CCDC30: variants seen among roughly 807,000 people sequenced by gnomAD.
CCDC30 encodes the protein coiled-coil domain-containing protein 30.
Under a neutral mutation model 100.2 loss-of-function variants are expected in CCDC30, and 70 were observed. The ratio of observed to expected loss-of-function variants is 0.70; its 90% CI spans 0.58 to 0.85. CCDC30 has a LOEUF of 0.85. Among genes scored for constraint, CCDC30 ranks in the 40% least tolerant of loss-of-function variants. CCDC30 has a pLI of 0.00. For synonymous variants in CCDC30, 233 were observed against 269.5 expected (o/e 0.86, Z 1.33); for missense variants, 652 against 771.2 (o/e 0.85, Z 1.83).
intron 13 of CCDC30, among the ~76,000 whole-genome samples, chr1:42,643,466 G>T (rs1177802530): frequency 1.3e-5 from 2 of 152,168 alleles, no homozygotes; most frequent in Non-Finnish European, 2.9e-5. Flanking sequence ...TACTGTCTGT[G>T]TCTCCCCTTT....
intron 7 of CCDC30, among the ~76,000 whole-genome samples, chr1:42,576,312 G>C (rs1413585482): frequency 6.6e-6 from 1 of 152,208 alleles, no homozygotes; most frequent in Non-Finnish European, 1.5e-5. Flanking sequence ...TGTGGGGATA[G>C]AATGACAGCA....
Position 42,577,176 on chromosome 1 carries a change from C to T in CCDC30, c.793C>T (p.Leu265=), listed in dbSNP as rs1028125578. Residue 265 remains leucine (L), a synonymous_variant, in exon 8 of 17, where the codon CTA becomes TTA. Coordinates refer to ENST00000668663, the Ensembl canonical transcript of CCDC30. ...TCAGAGCATTAAATCACAGAACAACCTACAGGAAAAGCTGGTTCAGGAGAA... is the reference window on the plus strand; with the variant it reads ...TCAGAGCATTAAATCACAGAACAACTTACAGGAAAAGCTGGTTCAGGAGAA... The T allele has an allele frequency of 3.1e-6, 5 of 1,613,976 alleles. No homozygotes were observed. The African/African-American group carries it at 6.7e-5, about 22-fold the overall frequency.
chr1:42,653,518 C>A, intron 16 of CCDC30, 75 bp downstream of exon 20: 1 of 912,192 alleles, frequency 1.1e-6, no homozygotes, highest in Non-Finnish European at 1.8e-6. Context: ...GTCATGGCTG[C>A]CTAACTAGTC....
intron 9 of CCDC30, among the ~76,000 whole-genome samples, chr1:42,585,625 T>G (rs536207610): frequency 6.6e-6 from 1 of 152,220 alleles, no homozygotes; most frequent in African/African-American, 2.4e-5. Context: ...TTTCCTAAGG[T>G]GAAAGCTTAG....
chr1:42,587,004 T>C (rs552249873), intron 9 of CCDC30, among the ~76,000 whole-genome samples: 5 of 152,278 alleles, frequency 3.3e-5, no homozygotes, highest in Non-Finnish European at 7.4e-5. Context: ...ATTTGCTTTT[T>C]TTCTTTTTGT....
chr1:42,626,197 G>T (rs532580368), intron 11 of CCDC30, among the ~76,000 whole-genome samples: 3 of 151,586 alleles, frequency 2.0e-5, no homozygotes, highest in African/African-American at 7.3e-5. Flanking sequence ...GGTTTCCATT[G>T]TCATGGAATA....
the CCDC30 span, chr1:42,456,841 T>C: frequency 1.9e-6 from 3 of 1,613,504 alleles, no homozygotes; most frequent in Non-Finnish European, 2.5e-6. Context: ...CCTTCCCCTA[T>C]GCCCACCGCT....
At chr1:42,601,597 C>A (rs1332599774) in intron 10 of CCDC30, among the ~76,000 whole-genome samples, 2 of 152,150 alleles carry the variant, frequency 1.3e-5, no homozygotes, top group Admixed American at 1.3e-4. Flanking sequence ...AGAACTGAGG[C>A]AAACCTTGGC....
rs1289843446 is a variant in CCDC30, at chr1:42,653,901, C to T, written c.2006C>T (p.Ser669Leu). Reference sequence around the variant, plus strand: ...AAGTCAAAAGAAGCAATGGCAAGTTCAAAGTCCCCTGAAAAGTCTCCTGAG... The same window carrying T: ...AAGTCAAAAGAAGCAATGGCAAGTTTAAAGTCCCCTGAAAAGTCTCCTGAG... Residue 669 changes from serine to leucine, a missense_variant, in exon 17 of 17, where the codon TCA becomes TTA. Physicochemically the swap from Ser to Leu is moderately radical, Grantham distance 145 (BLOSUM62 -2). Transcript: ENST00000668663. 1.9e-6 allele frequency: 3 copies of T among 1,613,904 alleles called. No individual in the cohort carries two copies. In the East Asian group the frequency reaches 6.7e-5, roughly 36 times the overall value.
Position 42,568,016 on chromosome 1 carries a change from A to T in CCDC30, c.636+1541A>T, listed in dbSNP as rs1645644077. Reference sequence around the variant, plus strand: ...TGAGATAAATTATTGGCCATTTAGAAATAAGACATCAGCCTCTTGATTAGC... The same window carrying T: ...TGAGATAAATTATTGGCCATTTAGATATAAGACATCAGCCTCTTGATTAGC... On this transcript the variant is annotated intron_variant, in intron 7 of 16. Coordinates refer to ENST00000668663, the Ensembl canonical transcript of CCDC30. Among the ~76,000 whole-genome samples, 3 of 152,182 alleles carry T rather than the reference A, an allele frequency of 2.0e-5. No individual in the cohort carries two copies. The South Asian group carries it at 6.2e-4, about 32-fold the overall frequency.
At chr1:42,478,434 T>C (rs1184120296) in intron 1 of CCDC30, among the ~76,000 whole-genome samples, 1 of 152,180 alleles carries the variant, frequency 6.6e-6, no homozygotes, top group Admixed American at 6.5e-5. Context: ...TTTTGGATCA[T>C]AGTTTTCCAA....
intron 11 of CCDC30, among the ~76,000 whole-genome samples, chr1:42,621,779 G>A (rs1267354011): frequency 1.3e-5 from 2 of 151,818 alleles, no homozygotes; most frequent in East Asian, 1.9e-4. Flanking sequence ...CCAAAGTGCC[G>A]GGATTACAGG....
At chr1:42,459,314 C>A, upstream of CCDC30, 1 of 343,078 alleles carries the variant, frequency 2.9e-6, no homozygotes, top group Non-Finnish European at 5.4e-6. Flanking sequence ...AGGTGGGTGC[C>A]ACCATGCTTG....
exon 9 of CCDC30, chr1:42,581,451 T>A (rs1328943231): frequency 1.9e-6 from 3 of 1,613,592 alleles, no homozygotes; most frequent in Non-Finnish European, 2.5e-6. Context: ...GAGGAAAAGA[T>A]AAAAGAAGCA....
chr1:42,542,542 T>TAATAAAGACAGGGTC (rs1274864091), intron 6 of CCDC30, among the ~76,000 whole-genome samples: 3 of 106,226 alleles, frequency 2.8e-5, no homozygotes, highest in African/African-American at 6.8e-5. Flanking sequence ...AATTTTTCTT[T>TAATAAAGACAGGGTC]TTTTTTTTTT....
At chr1:42,501,894 CAGG>C (rs140354179) in intron 6 of CCDC30, among the ~76,000 whole-genome samples, 36,926 of 152,024 alleles carry the variant, frequency 0.24, 4,834 homozygotes, top group South Asian at 0.42. Context: ...TTAGGCTACT[CAGG>C]TGTCAGGGAC....
chr1:42,546,184 G>C (rs1645127003), intron 6 of CCDC30, among the ~76,000 whole-genome samples: 1 of 150,434 alleles, frequency 6.6e-6, no homozygotes, highest in South Asian at 2.1e-4. Flanking sequence ...CCAAGAGTTC[G>C]AGATCAGCAT....
At chr1:42,517,723 C>A (rs1205640673) in intron 6 of CCDC30, among the ~76,000 whole-genome samples, 18 of 152,104 alleles carry the variant, frequency 1.2e-4, no homozygotes, top group Non-Finnish European at 1.5e-5. Context: ...CAAAGAAAAG[C>A]CCTAGACTTG....
intron 4 of CCDC30, chr1:42,492,531 C>T (rs1315785362): frequency 6.5e-6 from 1 of 153,020 alleles, no homozygotes; most frequent in East Asian, 1.9e-4. Flanking sequence ...CCATCCTGGG[C>T]CATAAAGCAA....
Sources: gnomAD v4.1 joint callset for allele counts (sites outside exome capture counted in the v4.1 genomes callset) on GRCh38, gnomAD v4.1.1 for gene constraint, MANE v1.5 for transcripts, NCBI Gene and HGNC (gene_info 2026-07-23, HGNC 2026-07-21) for gene names.